Variants in FBXO7 observed in about 807,000 individuals in gnomAD.
FBXO7 encodes the protein F-box protein 7.
Under a neutral mutation model 50.2 loss-of-function variants are expected in FBXO7, and 31 were observed. The ratio of observed to expected loss-of-function variants is 0.62; its 90% CI spans 0.46 to 0.83. The LOEUF (loss-of-function observed/expected upper bound fraction) is 0.83. FBXO7 is among the 40% of genes least tolerant of loss of function. The probability of loss-of-function intolerance (pLI) is 0.00; values close to 1 mark genes in which losing one functional copy is unlikely to be tolerated. For synonymous variants in FBXO7, 256 were observed against 253.1 expected, an observed-to-expected ratio of 1.01 and a Z score of -0.11; for missense variants, 667 against 646.6, an observed-to-expected ratio of 1.03 and a Z score of -0.34.
At chr22:32,491,911 T>C (rs2057540104) in intron 6 of FBXO7, 1 of 152,166 alleles carries the variant, frequency 6.6e-6, no homozygotes, top group African/African-American at 2.4e-5. Flanking sequence ...GTACATGTTG[T>C]GTGTGGGTTT....
chr22:32,496,436 C>T (rs567497680), intron 8 of FBXO7, among the ~76,000 whole-genome samples: 61 of 152,160 alleles, frequency 4.0e-4, no homozygotes, highest in African/African-American at 8.7e-4. Flanking sequence ...GAGCCAAGAT[C>T]GCTCCATTGC....
At chr22:32,486,576 A>G (rs1024104149) in intron 4 of FBXO7, among the ~76,000 whole-genome samples, 2 of 152,172 alleles carry the variant, frequency 1.3e-5, no homozygotes, top group African/African-American at 2.4e-5. Context: ...GTTTGAAGCA[A>G]TATTCCTGCC....
Position 32,479,133 on chromosome 22 carries a change from A to AT in FBXO7, c.277dup (p.Ser93PhefsTer9). 1 of 1,614,210 alleles carries AT rather than the reference A, an allele frequency of 6.2e-7. No homozygotes were observed. The highest frequency in any genetic ancestry group is 8.5e-7 in the Non-Finnish European group (1 of 1,180,042). ...GCGCCTAATATACCTTCATCCACAG[A>AT]TTCAGAGCATTCTTCACTCCAGAAT... On this transcript the variant is annotated frameshift_variant, in exon 2 of 9. Transcript: ENST00000266087. LOFTEE classifies it high-confidence loss of function.
chr22:32,484,012 A>G lies in FBXO7; in HGVS notation c.533A>G (p.Gln178Arg). Residue 178 changes from glutamine (Q) to arginine (R), a missense_variant, in exon 3 of 9, where the codon CAA becomes CGA. Gln to Arg is a conservative substitution (Grantham distance 43). Coordinates refer to ENST00000266087, the MANE Select transcript of FBXO7 (RefSeq NM_012179.4). ...CTCTGTAGTGAATCGGTGGAAGGGC[A>G]AGTGCCACATTCATTAGAGACCTTG... The part of the protein sequence containing the change: ...PMLCSESVEG[Q>R]VPHSLETLYQ... 6.2e-7 allele frequency: 1 copy of G among 1,614,216 alleles called. No homozygotes were observed. The highest frequency in any genetic ancestry group is 8.5e-7 in the Non-Finnish European group (1 of 1,180,022).
intron 8 of FBXO7, 107 bp from the exon 9 acceptor site, chr22:32,498,037 G>T: frequency 8.0e-7 from 1 of 1,256,316 alleles, no homozygotes; most frequent in Middle Eastern, 2.2e-4. Context: ...TCCACAATAT[G>T]TCTGAGGTGT....
At chr22:32,478,358 G>C (rs2057441738) in intron 1 of FBXO7, among the ~76,000 whole-genome samples, 1 of 152,078 alleles carries the variant, frequency 6.6e-6, no homozygotes, top group Admixed American at 6.5e-5. Context: ...TAACAGCAGG[G>C]GAAAATGCTG....
chr22:32,477,599 A>G (rs2145986859), intron 1 of FBXO7, among the ~76,000 whole-genome samples: 1 of 152,316 alleles, frequency 6.6e-6, no homozygotes, highest in East Asian at 1.9e-4. Context: ...TGATCAGTAG[A>G]AGGGTGAATT....
At chr22:32,487,611 G>A (rs1857527893) in intron 4 of FBXO7, 134 bp from the exon 5 acceptor site, 1 of 651,144 alleles carries the variant, frequency 1.5e-6, no homozygotes, top group Non-Finnish European at 2.8e-6. Flanking sequence ...GAAAGAAATA[G>A]GCGAAGAACA....
chr22:32,494,107 T>TAAAAAAA (rs130725), intron 7 of FBXO7, among the ~76,000 whole-genome samples: 1 of 120,820 alleles, frequency 8.3e-6, no homozygotes, highest in Admixed American at 8.7e-5. Flanking sequence ...ATAGCTCCCT[T>TAAAAAAA]AAAAAAAAAA....
rs143041875 is a variant in FBXO7 at position 32,479,135 on chromosome 22, T to G, written c.277T>G (p.Ser93Ala). ...GCCTAATATACCTTCATCCACAGAT[T>G]CAGAGCATTCTTCACTCCAGAATAA... ...PAPNIPSSTD[S>A]EHSSLQNNEQ... Residue 93 changes from serine to alanine, a missense_variant, in exon 2 of 9, where the codon TCA becomes GCA. Physicochemically the swap from Ser to Ala is moderately conservative, Grantham distance 99 (BLOSUM62 1). Coordinates refer to ENST00000266087, the MANE Select transcript of FBXO7 (RefSeq NM_012179.4). 550 of 1,614,176 alleles carry G rather than the reference T, an allele frequency of 3.4e-4. No homozygotes were observed. Among genetic ancestry groups the G allele is most frequent in the Admixed American group, 2.2e-3 (132 of 60,022 alleles).
chr22:32,491,538 CAT>C (rs574981557), intron 6 of FBXO7: 1 of 192,258 alleles, frequency 5.2e-6, no homozygotes, highest in Non-Finnish European at 1.0e-5. Context: ...TGTGTAGATA[CAT>C]ATATATATGT....
intron 5 of FBXO7, chr22:32,490,816 A>C: frequency 2.4e-6 from 1 of 424,188 alleles, no homozygotes; most frequent in Non-Finnish European, 4.3e-6. Context: ...TGAATCTCTC[A>C]CAAGTCTTTT....
intron 5 of FBXO7, 109 bp from the exon 6 acceptor site, chr22:32,490,977 T>G: frequency 1.3e-6 from 1 of 783,546 alleles, no homozygotes; most frequent in Non-Finnish European, 2.2e-6. Flanking sequence ...CTTATCTTTG[T>G]GAATTATTTG....
intron 7 of FBXO7, 102 bp from the exon 8 acceptor site, chr22:32,495,391 A>T: frequency 1.5e-6 from 1 of 680,902 alleles, no homozygotes; most frequent in Admixed American, 2.7e-5. Context: ...TTTATGCTTA[A>T]CGGGTAAGTT....
chr22:32,488,019 GTTTC>G (rs1196669346), intron 5 of FBXO7, 191 bp downstream of exon 5: 1 of 549,142 alleles, frequency 1.8e-6, no homozygotes, highest in Non-Finnish European at 3.3e-6. Flanking sequence ...TGAGGAGTTT[GTTTC>G]TTTCCTGTTT....
At chr22:32,478,956 T>C in intron 1 of FBXO7, 25 bp from the exon 2 acceptor site, 1 of 1,611,154 alleles carries the variant, frequency 6.2e-7, no homozygotes, top group South Asian at 1.1e-5. Context: ...TAGTTCTTAC[T>C]ATGCTTATCT....
Position 32,498,614 on chromosome 22 carries a change from G to GTGT in FBXO7, c.*86_*88dup. The stretch of plus-strand genomic sequence containing the variant: ...CAACTCCTTGGGGTGCTGATCTCGA[G>GTGT]TGTTATTTTCTGATTGTGGTGTTGA... On this transcript the variant is annotated 3_prime_UTR_variant, in exon 9 of 9. Coordinates refer to ENST00000266087, the MANE Select transcript of FBXO7 (RefSeq NM_012179.4). 6.8e-7 allele frequency: 1 copy of GTGT among 1,477,440 alleles called. No individual in the cohort carries two copies. The highest frequency in any genetic ancestry group is 9.2e-7 in the Non-Finnish European group (1 of 1,090,284). The allele number at this position is 1,477,440 out of a possible 1,614,324, so 91.5% of individuals were successfully genotyped here.
chr22:32,482,566 T>A (rs1208171613), intron 2 of FBXO7, among the ~76,000 whole-genome samples: 1 of 152,250 alleles, frequency 6.6e-6, no homozygotes, highest in Non-Finnish European at 1.5e-5. Context: ...TTTAGAGATC[T>A]GGGTTCGTTT....
intron 1 of FBXO7, 151 bp downstream of exon 1, chr22:32,475,275 G>A (rs2057419251): frequency 5.7e-6 from 9 of 1,584,772 alleles, no homozygotes; most frequent in South Asian, 2.3e-5. Flanking sequence ...TTCACGGGAG[G>A]CCCGGGCTCT....
Sources: allele counts gnomAD v4.1 joint callset (sites outside exome capture counted in the v4.1 genomes callset), GRCh38; gene constraint gnomAD v4.1.1; transcripts MANE v1.5; gene names NCBI Gene and HGNC (gene_info 2026-07-23, HGNC 2026-07-21).